Variants in RAB7A observed in about 807,000 individuals in gnomAD.
RAB7A encodes ras-related protein Rab-7a.
Under a neutral mutation model 24.5 loss-of-function variants are expected in RAB7A, and 2 were observed. The observed-to-expected ratio is 0.08, with a 90% CI of 0.03 to 0.26. The LOEUF is 0.26. Ranked by LOEUF, RAB7A falls within the 10% of genes least tolerant of loss-of-function variation. RAB7A has a pLI of 1.00. For synonymous variants in RAB7A, 100 were observed against 95.9 expected (o/e 1.04, Z -0.25); for missense variants, 118 against 255.7 (o/e 0.46, Z 3.67).
At chr3:128,779,367 C>G (rs1376841974) in intron 1 of RAB7A, among the ~76,000 whole-genome samples, 2 of 151,292 alleles carry the variant, frequency 1.3e-5, no homozygotes, top group African/African-American at 4.9e-5. Flanking sequence ...GAGATCACGC[C>G]ACTGCACTCC....
At chr3:128,731,792 G>T (rs764008879) in intron 1 of RAB7A, among the ~76,000 whole-genome samples, 9 of 151,934 alleles carry the variant, frequency 5.9e-5, no homozygotes, top group Non-Finnish European at 1.2e-4. Flanking sequence ...TGGATCACAG[G>T]GTCAAGAGAT....
chr3:128,758,972 T>C (rs1203382401), intron 1 of RAB7A, among the ~76,000 whole-genome samples: 2 of 152,350 alleles, frequency 1.3e-5, no homozygotes, highest in South Asian at 2.1e-4. Flanking sequence ...ACTCAGGCTT[T>C]GGTTGAGTAG....
chr3:128,764,796 T>G, intron 1 of RAB7A: 1 of 875,852 alleles, frequency 1.1e-6, no homozygotes, highest in Non-Finnish European at 1.9e-6. Flanking sequence ...CACGATAGTT[T>G]TGCAGCTTCA....
intron 1 of RAB7A, among the ~76,000 whole-genome samples, chr3:128,775,078 G>T (rs916871225): frequency 6.6e-6 from 1 of 152,188 alleles, no homozygotes; most frequent in Non-Finnish European, 1.5e-5. Flanking sequence ...CACTGCGCCC[G>T]GCCGACATCC....
At chr3:128,764,617 A>G (rs2070810023) in intron 1 of RAB7A, 9 of 1,274,062 alleles carry the variant, frequency 7.1e-6, no homozygotes, top group Non-Finnish European at 1.0e-5. Context: ...ACATGTCTCA[A>G]TGAAGTCACA....
At chr3:128,808,648 G>T (rs1933854523) in intron 5 of RAB7A, among the ~76,000 whole-genome samples, 2 of 152,206 alleles carry the variant, frequency 1.3e-5, no homozygotes, top group South Asian at 4.1e-4. Context: ...AGTCTGTTTT[G>T]ATGTACAGCT....
intron 1 of RAB7A, among the ~76,000 whole-genome samples, chr3:128,747,780 G>GT (rs1373861558): frequency 1.3e-5 from 2 of 150,560 alleles, no homozygotes; most frequent in East Asian, 1.9e-4. Flanking sequence ...GTTTTGTTTT[G>GT]TTTTTTGAGA....
chr3:128,813,876 G>T lies in RAB7A; in HGVS notation c.*454G>T. 3.9e-6 allele frequency: 1 copy of T among 256,834 alleles called. No homozygotes were observed. The highest frequency in any genetic ancestry group is 9.5e-5 in the East Asian group (1 of 10,506). 15.9% of individuals were successfully genotyped at this position (256,834 alleles called of 1,614,324 possible). A position where few individuals can be genotyped will look rare whatever the true frequency, so the allele number is the denominator to read the frequency against. On this transcript the variant is annotated 3_prime_UTR_variant, in exon 6 of 6. Coordinates refer to ENST00000265062, the MANE Select transcript of RAB7A (RefSeq NM_004637.6). The stretch of plus-strand genomic sequence containing the variant: ...TACCCCCCCTTTCCCCTCCCTCCTT[G>T]AAGGCTACCCCTTGGGAAGGCTGGT...
chr3:128,806,735 C>T, intron 4 of RAB7A, 145 bp downstream of exon 4: 1 of 877,470 alleles, frequency 1.1e-6, no homozygotes, highest in Non-Finnish European at 1.8e-6. Flanking sequence ...TTCAGGCCAA[C>T]TGCCTTTAAG....
intron 1 of RAB7A, among the ~76,000 whole-genome samples, chr3:128,789,656 C>T (rs1933413660): frequency 6.6e-6 from 1 of 151,926 alleles, no homozygotes; most frequent in African/African-American, 2.4e-5. Flanking sequence ...AAAATAATTT[C>T]AGTCTTCAGA....
chr3:128,728,300 C>A (rs1451106672), intron 1 of RAB7A, among the ~76,000 whole-genome samples: 2 of 152,168 alleles, frequency 1.3e-5, no homozygotes, highest in South Asian at 2.1e-4. Flanking sequence ...TGGTGTTCTT[C>A]TGGCTAACTT....
intron 1 of RAB7A, among the ~76,000 whole-genome samples, chr3:128,763,008 T>C (rs1291215531): frequency 1.3e-5 from 2 of 151,872 alleles, no homozygotes; most frequent in African/African-American, 4.8e-5. Context: ...TAGAATGTGG[T>C]CCCTCCTTCC....
chr3:128,744,889 T>TC (rs957249677), intron 1 of RAB7A, among the ~76,000 whole-genome samples: 2 of 151,590 alleles, frequency 1.3e-5, no homozygotes, highest in African/African-American at 4.8e-5. Flanking sequence ...TTTTTTTTTT[T>TC]TTGAGACAGA....
At chr3:128,746,714 A>G (rs958192761) in intron 1 of RAB7A, among the ~76,000 whole-genome samples, 2 of 151,656 alleles carry the variant, frequency 1.3e-5, no homozygotes, top group Non-Finnish European at 1.5e-5. Flanking sequence ...ATTTTTTAGT[A>G]GAGACGGGGT....
intron 1 of RAB7A, among the ~76,000 whole-genome samples, chr3:128,788,996 GAATT>G (rs1933396849): frequency 2.0e-5 from 3 of 152,210 alleles, no homozygotes; most frequent in Admixed American, 1.3e-4. Flanking sequence ...TTGAAAGAAA[GAATT>G]GTTTCATCGT....
chr3:128,769,494 C>T (rs1490117836), intron 1 of RAB7A, among the ~76,000 whole-genome samples: 1 of 152,092 alleles, frequency 6.6e-6, no homozygotes, highest in East Asian at 1.9e-4. Context: ...TTTTTTCTTA[C>T]TGTGTTTGAG....
rs188730658 is a variant in RAB7A, at chr3:128,775,369, T to C, written c.-8-19991T>C. ...CCGTTAGTCTCCACCCTTCCTCCAC[T>C]AGCAGAGAAGAGGACACATTTGCCT... On this transcript the variant is annotated intron_variant, in intron 1 of 5. Transcript: ENST00000265062. Among the ~76,000 whole-genome samples, 129 of 152,296 alleles carry C rather than the reference T, an allele frequency of 8.5e-4. 1 individual carries two copies. The highest frequency in any genetic ancestry group is 1.2e-3 in the Non-Finnish European group (85 of 68,018).
At chr3:128,763,188 T>TTATATATATATATATATATATATATATA (rs765866649) in intron 1 of RAB7A, among the ~76,000 whole-genome samples, 1 of 82,120 alleles carries the variant, frequency 1.2e-5, no homozygotes, top group African/African-American at 4.9e-5. Flanking sequence ...TACATTTAGC[T>TTATATATATATATATATATATATATATA]TATATATATA....
chr3:128,768,996 A>G (rs1318860262), intron 1 of RAB7A, among the ~76,000 whole-genome samples: 3 of 42,926 alleles, frequency 7.0e-5, no homozygotes, highest in East Asian at 5.7e-4. Context: ...TTTTTTTTTT[A>G]AGGAAACAGG....
Sources: gnomAD v4.1 joint callset for allele counts (sites outside exome capture counted in the v4.1 genomes callset) on GRCh38, gnomAD v4.1.1 for gene constraint, MANE v1.5 for transcripts, NCBI Gene and HGNC (gene_info 2026-07-23, HGNC 2026-07-21) for gene names.